Variants in USP19 observed in about 807,000 individuals in gnomAD.
USP19 encodes the protein ubiquitin carboxyl-terminal hydrolase 19.
A neutral mutation model predicts 144.8 loss-of-function variants in USP19; 40 were observed. That is an observed-to-expected ratio of 0.28 (90% CI 0.21 to 0.36). The LOEUF is 0.36. Ranked by LOEUF, USP19 falls within the 10% of genes least tolerant of loss-of-function variation. USP19 has a pLI of 1.00. For synonymous variants in USP19, 701 were observed against 709.3 expected (o/e 0.99, Z 0.19); for missense variants, 1,518 against 1,822.5 (o/e 0.83, Z 3.04).
At position 49,112,053 on chromosome 3, in the gene USP19, C is replaced by A. The variant is rs370746227; in HGVS notation, c.2766-5G>T. The A allele has an allele frequency of 8.7e-6, 14 of 1,613,540 alleles. No individual in the cohort carries two copies. Among genetic ancestry groups the A allele is most frequent in the African/African-American group, 1.3e-5 (1 of 74,888 alleles). ...CAGTGGGTTTTCTGGCAGAGCCTGACGGGAAGAGGAAGACAAGGATAGGCC... is the reference window on the plus strand; with the variant it reads ...CAGTGGGTTTTCTGGCAGAGCCTGAAGGGAAGAGGAAGACAAGGATAGGCC... On this transcript the variant is annotated splice_region_variant and splice_polypyrimidine_tract_variant and intron_variant, in intron 19 of 26. Coordinates refer to ENST00000417901, the MANE Select transcript of USP19 (RefSeq NM_001199161.2). The surrounding 1 kb of genome is among the most constrained non-coding windows in gnomAD (Gnocchi z 4.9).
chr3:49,114,316 C>A lies in USP19; in HGVS notation c.2293-32G>T, dbSNP rs1187324410. ...ATGTAGAGGTGGCACTGGGTAGCTG[C>A]ACACAGAGTGGGAGATAAGATGCTC... On this transcript the variant is annotated intron_variant, in intron 15 of 26. Transcript: ENST00000417901. The surrounding 1 kb of genome is among the most constrained non-coding windows in gnomAD (Gnocchi z 4.5). 6.3e-7 allele frequency: 1 copy of A among 1,597,874 alleles called. No homozygotes were observed. The highest frequency in any genetic ancestry group is 1.1e-5 in the South Asian group (1 of 90,530).
intron 26 of USP19, chr3:49,109,282 G>A (rs2042785465): frequency 1.5e-6 from 2 of 1,372,344 alleles, no homozygotes; most frequent in Admixed American, 3.1e-5. Flanking sequence ...GGGGTGACTG[G>A]GGCTAACACC....
At chr3:49,113,576 C>A (rs2107385510) in intron 17 of USP19, among the ~76,000 whole-genome samples, 2 of 151,056 alleles carry the variant, frequency 1.3e-5, no homozygotes, top group East Asian at 3.9e-4. Context: ...CCACGCCTGG[C>A]CCTATTTTTA....
At chr3:49,109,277 G>A in intron 26 of USP19, 1 of 1,404,654 alleles carries the variant, frequency 7.1e-7, no homozygotes, top group Non-Finnish European at 9.4e-7. Flanking sequence ...CACCTGGGGT[G>A]ACTGGGGCTA....
At chr3:49,118,461 G>T (rs1418337607) in intron 2 of USP19, among the ~76,000 whole-genome samples, 4 of 151,850 alleles carry the variant, frequency 2.6e-5, no homozygotes, top group Non-Finnish European at 5.9e-5. Flanking sequence ...CCAGCTACTT[G>T]GGAGGCTGAG....
At position 49,108,395 on chromosome 3, in the gene USP19, C is replaced by G. The variant is rs775142189; in HGVS notation, c.*17G>C. 6.2e-6 allele frequency: 7 copies of G among 1,133,830 alleles called. No homozygotes were observed. Among genetic ancestry groups the G allele is most frequent in the South Asian group, 1.7e-5 (1 of 60,578 alleles). 70.2% of individuals were successfully genotyped at this position (1,133,830 alleles called of 1,614,324 possible). On this transcript the variant is annotated 3_prime_UTR_variant, in exon 27 of 27. Coordinates refer to ENST00000417901, the MANE Select transcript of USP19 (RefSeq NM_001199161.2). This position sits in a 1 kb window ranked among gnomAD's most constrained non-coding sequence, Gnocchi z 4.8. The stretch of plus-strand genomic sequence containing the variant: ...TGGGTGTCCCAAACCCAGTCCCCCC[C>G]ATCAGCCAGGGACCTGCTAATCCAC...
Position 49,119,120 on chromosome 3 carries a change from C to A in USP19, c.26G>T (p.Gly9Val). The A allele has an allele frequency of 6.2e-7, 1 of 1,613,528 alleles. No individual in the cohort carries two copies. Among genetic ancestry groups the A allele is most frequent in the Non-Finnish European group, 8.5e-7 (1 of 1,179,892 alleles). Reference protein sequence around the residue: MSGGASATGPRRGPPGLED... With the variant: MSGGASATVPRRGPPGLED... ...CAGTCCTGGGGGCCCTCTCCTTGGG[C>A]CTGTGGCACTGGCCCCGCCAGACAT... Residue 9 changes from glycine to valine, a missense_variant, in exon 2 of 27, where the codon GGC becomes GTC. Around this residue, in one of 5 missense-constraint regions of USP19, gnomAD observed 707 missense variants for 728.9 expected, o/e 0.97. Coordinates refer to ENST00000417901, the MANE Select transcript of USP19 (RefSeq NM_001199161.2).
chr3:49,112,603 C>T lies in USP19; in HGVS notation c.2532G>A (p.Val844=), dbSNP rs1442855630. 1 of 1,613,732 alleles carries T rather than the reference C, an allele frequency of 6.2e-7. No homozygotes were observed. Among genetic ancestry groups the T allele is most frequent in the Admixed American group, 1.7e-5 (1 of 59,988 alleles). The change falls in exon 18 of 27, where the codon GTG becomes GTA. Residue 844 remains valine, a synonymous_variant. Transcript: ENST00000417901. This position sits in a 1 kb window ranked among gnomAD's most constrained non-coding sequence, Gnocchi z 4.9. ...AEVIKNRFHR[V]FLPSHSLDTV... ...TGTCCAGTGAGTGGGAGGGTAGGAA[C>T]ACACGATGAAAACGATTCTTAATTA...
In USP19 at chr3:49,113,983, C is replaced by CAAAG. The variant is rs775340262; in HGVS notation, c.2505+5_2505+8dup. ...ACACATGTGATAGCCCAAGGAAGGA[C>CAAAG]AAAGATACCTCCGCCAAACGCAGGT... On this transcript the variant is annotated intron_variant, in intron 17 of 26. Coordinates refer to ENST00000417901, the MANE Select transcript of USP19 (RefSeq NM_001199161.2). 1 of 1,613,916 alleles carries CAAAG rather than the reference C, an allele frequency of 6.2e-7. No homozygotes were observed. Among genetic ancestry groups the CAAAG allele is most frequent in the South Asian group, 1.1e-5 (1 of 91,062 alleles).
At position 49,117,224 on chromosome 3, in the gene USP19, G is replaced by A; in HGVS notation, c.744C>T (p.Ala248=). ...AKQEARNQKR[A]QGRGEVGAGA... Reference sequence around the variant, plus strand: ...CTGCGCCTACCTCACCACGGCCCTGGGCCCGCTTCTGGTTCCGGGCCTCCT... The same window carrying A: ...CTGCGCCTACCTCACCACGGCCCTGAGCCCGCTTCTGGTTCCGGGCCTCCT... Residue 248 remains alanine, a synonymous_variant, in exon 6 of 27, where the codon GCC becomes GCT. Transcript: ENST00000417901. The surrounding 1 kb of genome is among the most constrained non-coding windows in gnomAD (Gnocchi z 4.4). 6.5e-7 allele frequency: 1 copy of A among 1,549,526 alleles called. No individual in the cohort carries two copies.
Position 49,116,683 on chromosome 3 carries a change from T to C in USP19, c.1126+44A>G, listed in dbSNP as rs369523399. The C allele has an allele frequency of 3.1e-6, 5 of 1,607,746 alleles. No homozygotes were observed. The South Asian group carries it at 4.4e-5, about 14-fold the overall frequency. Reference sequence around the variant, plus strand: ...GCTACTCTCTATCCACCTACAAACTTTGCAACCCAACCTAGGGCTCTGCCT... The same window carrying C: ...GCTACTCTCTATCCACCTACAAACTCTGCAACCCAACCTAGGGCTCTGCCT... On this transcript the variant is annotated intron_variant, in intron 7 of 26. Coordinates refer to ENST00000417901, the MANE Select transcript of USP19 (RefSeq NM_001199161.2). The surrounding 1 kb of genome is among the most constrained non-coding windows in gnomAD (Gnocchi z 5.0).
rs764597526 is a variant in USP19 at position 49,113,961 on chromosome 3, C to T, written c.2505+31G>A. On this transcript the variant is annotated intron_variant, in intron 17 of 26. Transcript: ENST00000417901. ...TGGTGAGTACACACACACATCCACA[C>T]ATGTGATAGCCCAAGGAAGGACAAA... is the stretch of plus-strand genomic sequence containing the variant. 7 of 1,607,930 alleles carry T rather than the reference C, an allele frequency of 4.4e-6. No individual in the cohort carries two copies. In the East Asian group the frequency reaches 1.1e-4, roughly 26 times the overall value.
chr3:49,108,184 G>C lies in USP19; in HGVS notation c.*228C>G, dbSNP rs910701596. On this transcript the variant is annotated 3_prime_UTR_variant, in exon 27 of 27. Coordinates refer to ENST00000417901, the MANE Select transcript of USP19 (RefSeq NM_001199161.2). The surrounding 1 kb of genome is among the most constrained non-coding windows in gnomAD (Gnocchi z 4.8). ...GGTCAGAAGAATTGAAGGTACAACAGAATCAAATCACGCAGCACTGGAGGC... is the reference window on the plus strand; with the variant it reads ...GGTCAGAAGAATTGAAGGTACAACACAATCAAATCACGCAGCACTGGAGGC... 19 of 214,482 alleles carry C rather than the reference G, an allele frequency of 8.9e-5. No individual in the cohort carries two copies. Among genetic ancestry groups the C allele is most frequent in the Non-Finnish European group, 1.8e-4 (19 of 105,716 alleles). The allele number at this position is 214,482 out of a possible 1,614,324, so 13.3% of individuals were successfully genotyped here. A position where few individuals can be genotyped will look rare whatever the true frequency, so the allele number is the denominator to read the frequency against.
Position 49,110,924 on chromosome 3 carries a change from T to G in USP19, c.3545+26A>C, listed in dbSNP as rs2107266976. ...TCTCTCTCTTCTCCATCCTGCCCCC[T>G]TATCTACTTGCTGCTCTGTTCTCAC... On this transcript the variant is annotated intron_variant, in intron 23 of 26. Transcript: ENST00000417901. The surrounding 1 kb of genome is among the most constrained non-coding windows in gnomAD (Gnocchi z 6.1). 2 of 1,613,784 alleles carry G rather than the reference T, an allele frequency of 1.2e-6. No homozygotes were observed. The highest frequency in any genetic ancestry group is 1.7e-6 in the Non-Finnish European group (2 of 1,179,798).
In USP19 at chr3:49,117,089, G is replaced by A. The variant is rs1488494992; in HGVS notation, c.879C>T (p.Ala293=). The A allele has an allele frequency of 1.3e-6, 2 of 1,520,714 alleles. No homozygotes were observed. Among genetic ancestry groups the A allele is most frequent in the Non-Finnish European group, 1.8e-6 (2 of 1,130,486 alleles). 94.2% of individuals were successfully genotyped at this position (1,520,714 alleles called of 1,614,324 possible). The change falls in exon 6 of 27, where the codon GCC becomes GCT. Residue 293 remains alanine (A), a synonymous_variant. Coordinates refer to ENST00000417901, the MANE Select transcript of USP19 (RefSeq NM_001199161.2). This position sits in a 1 kb window ranked among gnomAD's most constrained non-coding sequence, Gnocchi z 4.4. ...SRDDPGPRGD[A]PPFVADPATQ... Reference sequence around the variant, plus strand: ...TGGCTGGGTCAGCCACGAAGGGTGGGGCATCACCCCGGGGTCCAGGGTCAT... The same window carrying A: ...TGGCTGGGTCAGCCACGAAGGGTGGAGCATCACCCCGGGGTCCAGGGTCAT...
chr3:49,119,132 GC>G lies in USP19; in HGVS notation c.13del (p.Ala5ProfsTer123), dbSNP rs780589728. 6.2e-7 allele frequency: 1 copy of G among 1,612,628 alleles called. No homozygotes were observed. On this transcript the variant is annotated frameshift_variant, in exon 2 of 27. Transcript: ENST00000417901. LOFTEE classifies it high-confidence loss of function. ...CCCTCTCCTTGGGCCTGTGGCACTG[GC>G]CCCGCCAGACATCTTGAGCCGCTTG... is the stretch of plus-strand genomic sequence containing the variant. MSGGASATGPRRGPP... is the reference protein window; with the variant it reads MSGGXSATGPRRGPP...
intron 17 of USP19, among the ~76,000 whole-genome samples, chr3:49,113,207 GA>G (rs2043457755): frequency 6.6e-6 from 1 of 152,190 alleles, no homozygotes; most frequent in African/African-American, 2.4e-5. Flanking sequence ...CTGTTGCACA[GA>G]AAAAATAACA....
Position 49,110,079 on chromosome 3 carries a change from G to A in USP19, c.4038+105C>T, listed in dbSNP as rs189145781. Reference sequence around the variant, plus strand: ...ACTCTGCAATTCTCATGAATCCCAAGGCTCAATGGGCCTGTGGCTGGAGGA... The same window carrying A: ...ACTCTGCAATTCTCATGAATCCCAAAGCTCAATGGGCCTGTGGCTGGAGGA... On this transcript the variant is annotated intron_variant, in intron 26 of 26. Coordinates refer to ENST00000417901, the MANE Select transcript of USP19 (RefSeq NM_001199161.2). This position sits in a 1 kb window ranked among gnomAD's most constrained non-coding sequence, Gnocchi z 6.1. 1.5e-3 allele frequency: 1,962 copies of A among 1,321,926 alleles called. 2 individuals carry two copies. The highest frequency in any genetic ancestry group is 4.1e-3 in the Middle Eastern group (16 of 3,864). 81.9% of individuals were successfully genotyped at this position (1,321,926 alleles called of 1,614,324 possible).
chr3:49,118,264 T>C, intron 2 of USP19, 144 bp from the exon 3 acceptor site: 1 of 330,264 alleles, frequency 3.0e-6, no homozygotes, highest in Non-Finnish European at 5.4e-6. Flanking sequence ...AGACCCTGCC[T>C]TTAAAAAAAA....
Sources: allele counts gnomAD v4.1 joint callset (sites outside exome capture counted in the v4.1 genomes callset), GRCh38; gene constraint gnomAD v4.1.1; regional missense constraint gnomAD v4.1.1; non-coding constraint Gnocchi (gnomAD v3.1); transcripts MANE v1.5; gene names NCBI Gene and HGNC (gene_info 2026-07-23, HGNC 2026-07-21).